COBL: variants seen among roughly 807,000 people sequenced by gnomAD.
The protein encoded by COBL is cordon-bleu WH2 repeat protein, also known as protein cordon-bleu.
COBL carries 51 observed loss-of-function variants against 98.8 expected under a neutral mutation model. The observed-to-expected ratio is 0.52, with a 90% CI of 0.41 to 0.65. The LOEUF is 0.65. COBL is among the 30% of genes least tolerant of loss of function. COBL has a pLI of 0.00. For synonymous variants in COBL, 634 were observed against 651.7 expected, an observed-to-expected ratio of 0.97 and a Z score of 0.41; for missense variants, 1,617 against 1,617.5, an observed-to-expected ratio of 1.00 and a Z score of 0.01.
chr7:51,112,392 G>A (rs1443902628), intron 6 of COBL, among the ~76,000 whole-genome samples: 1 of 152,038 alleles, frequency 6.6e-6, no homozygotes, highest in Non-Finnish European at 1.5e-5. Context: ...TATAGTTTAT[G>A]ATTAATATGT....
chr7:51,059,746 T>C lies in COBL; in HGVS notation c.1097-16054A>G, dbSNP rs555116137. The stretch of plus-strand genomic sequence containing the variant: ...CACTGTCTCCCAGCTACCCCGCCAC[T>C]GTTCCCTCATCCTGCTGTTTGCACT... On this transcript the variant is annotated intron_variant, in intron 7 of 12. Coordinates refer to ENST00000265136, the MANE Select transcript of COBL (RefSeq NM_015198.5). Among the ~76,000 whole-genome samples the C allele has an allele frequency of 2.0e-4, 31 of 152,326 alleles. No homozygotes were observed. In the East Asian group the frequency reaches 4.4e-3, roughly 22 times the overall value.
At chr7:51,187,783 AG>A (rs1789688047) in intron 4 of COBL, 2 of 649,662 alleles carry the variant, frequency 3.1e-6, no homozygotes, top group Non-Finnish European at 4.4e-6. Flanking sequence ...ATGCACCTTC[AG>A]GAGGGCCCCA....
intron 6 of COBL, among the ~76,000 whole-genome samples, chr7:51,134,904 A>G (rs535920958): frequency 6.6e-6 from 1 of 152,370 alleles, no homozygotes; most frequent in Non-Finnish European, 1.5e-5. Context: ...CAGCTAATAT[A>G]TCATGAAGAA....
chr7:51,291,567 C>T (rs1040106195), intron 1 of COBL, among the ~76,000 whole-genome samples: 1 of 152,020 alleles, frequency 6.6e-6, no homozygotes, highest in Non-Finnish European at 1.5e-5. Context: ...TCAAGACCAG[C>T]TTGGCCAACA....
chr7:51,235,117 C>T lies in COBL; in HGVS notation c.42-15173G>A, dbSNP rs572288908. Among the ~76,000 whole-genome samples, 9 of 152,332 alleles carry T rather than the reference C, an allele frequency of 5.9e-5. No homozygotes were observed. The South Asian group carries it at 1.4e-3, about 25-fold the overall frequency. ...CCTTGGCCTGGCATTTCCTCCTCCA[C>T]TAATCTGCACTTCCAATCTCCACCA... is the stretch of plus-strand genomic sequence containing the variant. On this transcript the variant is annotated intron_variant, in intron 1 of 12. Coordinates refer to ENST00000265136, the MANE Select transcript of COBL (RefSeq NM_015198.5).
rs1787563906 is a variant in COBL at position 51,026,470 on chromosome 7, C to T, written c.3504+76G>A. ...TCGGAAGGACAGAAGCTTCTGCAGCCACCACCCAAGTGCCTCGGAAGAAGG... is the reference window on the plus strand; with the variant it reads ...TCGGAAGGACAGAAGCTTCTGCAGCTACCACCCAAGTGCCTCGGAAGAAGG... On this transcript the variant is annotated intron_variant, in intron 11 of 12. Transcript: ENST00000265136. 2.6e-6 allele frequency: 4 copies of T among 1,564,304 alleles called. No individual in the cohort carries two copies. The South Asian group carries it at 4.7e-5, about 18-fold the overall frequency.
At chr7:51,133,137 C>T (rs962672895) in intron 6 of COBL, among the ~76,000 whole-genome samples, 6 of 152,044 alleles carry the variant, frequency 3.9e-5, no homozygotes, top group East Asian at 1.9e-4. Context: ...CTACACAGCA[C>T]GATGGTGAGA....
intron 6 of COBL, among the ~76,000 whole-genome samples, chr7:51,097,449 T>C (rs1321762530): frequency 1.3e-5 from 2 of 152,140 alleles, no homozygotes; most frequent in African/African-American, 4.8e-5. Flanking sequence ...GTCCTAGCCA[T>C]AACAATTAGG....
intron 1 of COBL, among the ~76,000 whole-genome samples, chr7:51,277,133 C>T (rs1037478851): frequency 6.6e-6 from 1 of 152,192 alleles, no homozygotes; most frequent in African/African-American, 2.4e-5. Context: ...CAGGGATGCT[C>T]ATTGCCAAGG....
chr7:51,221,402 C>T (rs891935821), intron 1 of COBL, among the ~76,000 whole-genome samples: 1 of 152,180 alleles, frequency 6.6e-6, no homozygotes, highest in African/African-American at 2.4e-5. Context: ...TAATGGCAAA[C>T]AAATAACCCA....
intron 5 of COBL, among the ~76,000 whole-genome samples, chr7:51,181,855 A>T (rs1788997456): frequency 6.6e-6 from 1 of 151,874 alleles, no homozygotes; most frequent in East Asian, 1.9e-4. Context: ...AAATGGTGAA[A>T]GACAGAAAGT....
intron 1 of COBL, among the ~76,000 whole-genome samples, chr7:51,227,285 G>A (rs936275672): frequency 3.3e-5 from 5 of 152,132 alleles, no homozygotes; most frequent in Non-Finnish European, 5.9e-5. Context: ...GGTTCCACGA[G>A]GCTCAGATGG....
At chr7:51,155,589 CAAAAAAAAAAAAAAAAAAAA>C (rs58500324) in intron 5 of COBL, among the ~76,000 whole-genome samples, 1 of 30,788 alleles carries the variant, frequency 3.2e-5, no homozygotes, top group Non-Finnish European at 5.4e-5. Context: ...GACTCCATCT[CAAAAAAAAAAAAAAAAAAAA>C]AAAAAAAAAG....
chr7:51,018,923 T>A (rs1404705641), intron 12 of COBL, among the ~76,000 whole-genome samples: 1,727 of 34,676 alleles, frequency 0.05, 358 homozygotes, highest in African/African-American at 0.15. Flanking sequence ...TATATATATA[T>A]ATATATATAT....
intron 1 of COBL, among the ~76,000 whole-genome samples, chr7:51,262,912 C>T (rs1282994311): frequency 6.6e-6 from 1 of 152,076 alleles, no homozygotes; most frequent in African/African-American, 2.4e-5. Flanking sequence ...AGCCTGGGAA[C>T]TGGAACCGGC....
chr7:51,259,286 CAAAA>C (rs778118572), intron 1 of COBL: 129 of 76,606 alleles, frequency 1.7e-3, no homozygotes, highest in South Asian at 3.7e-3. Flanking sequence ...GACTCCAGCT[CAAAA>C]AAAAAAAAAA....
intron 7 of COBL, among the ~76,000 whole-genome samples, chr7:51,050,813 C>T (rs565641900): frequency 6.6e-5 from 10 of 152,278 alleles, no homozygotes; most frequent in South Asian, 2.1e-4. Context: ...GCTAAAAAAT[C>T]GCCACAAAAC....
At chr7:51,113,767 G>C (rs1187699603) in intron 6 of COBL, among the ~76,000 whole-genome samples, 2 of 152,148 alleles carry the variant, frequency 1.3e-5, no homozygotes, top group East Asian at 3.8e-4. Flanking sequence ...TAATGGTTTA[G>C]TTTATGAGAA....
At chr7:51,115,302 ATC>A (rs1307804913) in intron 6 of COBL, among the ~76,000 whole-genome samples, 1 of 151,862 alleles carries the variant, frequency 6.6e-6, no homozygotes, top group South Asian at 2.1e-4. Flanking sequence ...TTTTTATTAT[ATC>A]TCTCTTTCTT....
Sources: gnomAD v4.1 joint callset for allele counts (sites outside exome capture counted in the v4.1 genomes callset) on GRCh38, gnomAD v4.1.1 for gene constraint, MANE v1.5 for transcripts, NCBI Gene and HGNC (gene_info 2026-07-23, HGNC 2026-07-21) for gene names.